PHACTR1: variants seen among roughly 807,000 people sequenced by gnomAD.
PHACTR1 encodes the protein phosphatase and actin regulator 1.
Under a neutral mutation model 69.2 loss-of-function variants are expected in PHACTR1, and 16 were observed. The ratio of observed to expected loss-of-function variants is 0.23; its 90% CI spans 0.16 to 0.35. The LOEUF (loss-of-function observed/expected upper bound fraction) is 0.35, where lower values mean the gene tolerates loss of function less well. Among genes scored for constraint, PHACTR1 ranks in the 10% least tolerant of loss-of-function variants. PHACTR1 has a pLI of 1.00. For synonymous variants in PHACTR1, 312 were observed against 284.5 expected, an observed-to-expected ratio of 1.10 and a Z score of -0.97; for missense variants, 510 against 734.7, an observed-to-expected ratio of 0.69 and a Z score of 3.54.
chr6:12,824,593 G>A (rs1189062664), intron 4 of PHACTR1, among the ~76,000 whole-genome samples: 2 of 152,148 alleles, frequency 1.3e-5, no homozygotes, highest in South Asian at 2.1e-4. Context: ...CTTAAGAATG[G>A]AATTCAGAAA....
intron 4 of PHACTR1, among the ~76,000 whole-genome samples, chr6:12,972,587 C>T (rs372432396): frequency 6.6e-6 from 1 of 151,806 alleles, no homozygotes; most frequent in African/African-American, 2.4e-5. Context: ...GCCGGCATTC[C>T]GTGACTCATG....
intron 4 of PHACTR1, among the ~76,000 whole-genome samples, chr6:12,864,456 G>A (rs536441514): frequency 9.9e-5 from 15 of 152,210 alleles, no homozygotes; most frequent in African/African-American, 3.6e-4. Context: ...CGAGGTGGGC[G>A]GATCACGAGG....
chr6:12,720,683 C>T (rs1262110428), intron 3 of PHACTR1, among the ~76,000 whole-genome samples: 2 of 152,194 alleles, frequency 1.3e-5, no homozygotes, highest in East Asian at 3.9e-4. Context: ...CGGGGGTTCC[C>T]GCACACATTG....
chr6:12,981,058 C>G (rs1795467903), intron 4 of PHACTR1, among the ~76,000 whole-genome samples: 1 of 152,236 alleles, frequency 6.6e-6, no homozygotes, highest in South Asian at 2.1e-4. Flanking sequence ...GATTACAAAT[C>G]AGAAGTCCTC....
chr6:13,154,939 C>CT (rs1301504850), intron 5 of PHACTR1, among the ~76,000 whole-genome samples: 1 of 152,068 alleles, frequency 6.6e-6, no homozygotes, highest in Admixed American at 6.5e-5. Context: ...ATTGTATTTT[C>CT]TTTTTTCCCC....
chr6:12,889,057 G>T (rs181580559), intron 4 of PHACTR1, among the ~76,000 whole-genome samples: 1 of 152,132 alleles, frequency 6.6e-6, no homozygotes, highest in South Asian at 2.1e-4. Flanking sequence ...AGGATAACTT[G>T]AACTCAGGAG....
intron 7 of PHACTR1, among the ~76,000 whole-genome samples, chr6:13,194,513 C>T (rs1188085152): frequency 1.3e-5 from 2 of 151,960 alleles, no homozygotes; most frequent in Non-Finnish European, 2.9e-5. Context: ...ATTACATGCC[C>T]TGCAAGGGTG....
chr6:13,282,750 C>T (rs1221316427), intron 12 of PHACTR1, among the ~76,000 whole-genome samples: 2 of 134,980 alleles, frequency 1.5e-5, no homozygotes, highest in African/African-American at 7.3e-5. Context: ...TGTGGATTCA[C>T]AAATCCAAAA....
intron 5 of PHACTR1, among the ~76,000 whole-genome samples, chr6:13,055,401 A>G (rs1806617690): frequency 1.3e-5 from 2 of 152,240 alleles, no homozygotes; most frequent in African/African-American, 4.8e-5. Flanking sequence ...TGAGACAGAA[A>G]AGGGTACTTA....
chr6:13,207,432 C>T (rs1766100453), intron 8 of PHACTR1, among the ~76,000 whole-genome samples: 3 of 152,142 alleles, frequency 2.0e-5, no homozygotes, highest in Admixed American at 2.0e-4. Context: ...AGGCAGCTCC[C>T]TCTTTCACCA....
At chr6:12,766,066 T>C (rs1483628930) in intron 4 of PHACTR1, among the ~76,000 whole-genome samples, 1 of 152,192 alleles carries the variant, frequency 6.6e-6, no homozygotes, top group Non-Finnish European at 1.5e-5. Context: ...ACCTGGACCC[T>C]AGGAACTATC....
At chr6:13,212,380 G>A (rs1014964119) in intron 8 of PHACTR1, among the ~76,000 whole-genome samples, 1 of 152,126 alleles carries the variant, frequency 6.6e-6, no homozygotes, top group African/African-American at 2.4e-5. Flanking sequence ...AAGTTCTTTT[G>A]CAAAGAAAAA....
At chr6:13,224,470 A>G (rs895942965) in intron 8 of PHACTR1, among the ~76,000 whole-genome samples, 2 of 152,214 alleles carry the variant, frequency 1.3e-5, no homozygotes, top group African/African-American at 2.4e-5. Flanking sequence ...ATTTGGGCCA[A>G]ATTATGTAGG....
chr6:13,175,092 A>G (rs1023999790), intron 6 of PHACTR1, among the ~76,000 whole-genome samples: 4 of 152,094 alleles, frequency 2.6e-5, no homozygotes, highest in East Asian at 1.9e-4. Context: ...TTCTAGATCT[A>G]TGTGAAAACT....
At chr6:12,800,480 T>G (rs1227958201) in intron 4 of PHACTR1, among the ~76,000 whole-genome samples, 2 of 152,226 alleles carry the variant, frequency 1.3e-5, no homozygotes, top group African/African-American at 4.8e-5. Context: ...CCATTGTTTT[T>G]TCTCTTAAAG....
intron 3 of PHACTR1, among the ~76,000 whole-genome samples, chr6:12,746,310 G>A (rs770852751): frequency 7.9e-5 from 12 of 152,230 alleles, no homozygotes; most frequent in Non-Finnish European, 1.5e-4. Context: ...GAATTGGGCG[G>A]ATTGCTTGAA....
intron 5 of PHACTR1, among the ~76,000 whole-genome samples, chr6:13,061,920 C>T (rs1051035255): frequency 7.2e-5 from 11 of 152,122 alleles, no homozygotes; most frequent in East Asian, 1.9e-4. Context: ...TTGAATGTTT[C>T]GCTCCAGCTA....
chr6:12,815,343 A>G (rs1031191946), intron 4 of PHACTR1, among the ~76,000 whole-genome samples: 6 of 151,920 alleles, frequency 3.9e-5, no homozygotes, highest in African/African-American at 1.5e-4. Flanking sequence ...CAAGATTCCT[A>G]TCTCTGTTGA....
intron 5 of PHACTR1, among the ~76,000 whole-genome samples, chr6:13,136,513 A>G (rs2113286066): frequency 1.3e-5 from 2 of 152,368 alleles, no homozygotes; most frequent in South Asian, 4.1e-4. Context: ...TATCAGCAAC[A>G]AGGCTGTTTC....
Sources: allele counts gnomAD v4.1 joint callset (sites outside exome capture counted in the v4.1 genomes callset), GRCh38; gene constraint gnomAD v4.1.1; transcripts MANE v1.5; gene names NCBI Gene and HGNC (gene_info 2026-07-23, HGNC 2026-07-21).